Variants in FOLR3 observed in about 807,000 individuals in gnomAD.
FOLR3 encodes the protein folate receptor 3 (gamma).
A neutral mutation model predicts 20.0 loss-of-function variants in FOLR3; 9 were observed. The observed-to-expected ratio is 0.45, with a 90% CI of 0.27 to 0.79. The LOEUF is 0.79. Among genes scored for constraint, FOLR3 ranks in the 30% least tolerant of loss-of-function variants. FOLR3 has a pLI of 0.15. For missense variants in FOLR3, 309 were observed against 323.5 expected, an observed-to-expected ratio of 0.96 and a Z score of 0.34; for synonymous variants, 124 against 115.5, an observed-to-expected ratio of 1.07 and a Z score of -0.47.
Position 72,135,735 on chromosome 11 carries a change from C to A in FOLR3, c.-40C>A. ...GAGCAAGCTGGTGTCAGAGCCTGGA[C>A]CTACAGCGCTGTTGGTGGAGGTCCT... is the stretch of plus-strand genomic sequence containing the variant. On this transcript the variant is annotated 5_prime_UTR_variant, in exon 1 of 5. Transcript: ENST00000611028. The A allele has an allele frequency of 1.7e-6, 1 of 593,046 alleles. No homozygotes were observed. Among genetic ancestry groups the A allele is most frequent in the Non-Finnish European group, 3.0e-6 (1 of 332,420 alleles). 36.7% of individuals were successfully genotyped at this position (593,046 alleles called of 1,614,324 possible).
Position 72,137,804 on chromosome 11 carries a change from G to A in FOLR3, c.169-1157G>A, listed in dbSNP as rs182582593. ...TAGCTTACTTAAACTCTGTAAAAAT[G>A]GGGGTAAGGATTCGTACTGGGTTGT... On this transcript the variant is annotated intron_variant, in intron 2 of 4. Coordinates refer to ENST00000611028, the MANE Select transcript of FOLR3 (RefSeq NM_000804.4). Among the ~76,000 whole-genome samples, 1,077 of 152,166 alleles carry A rather than the reference G, an allele frequency of 7.1e-3. 8 individuals carry two copies. The highest frequency in any genetic ancestry group is 0.025 in the African/African-American group (1,037 of 41,504).
Position 72,139,647 on chromosome 11 carries a change from C to A in FOLR3, c.554C>A (p.Pro185Gln). The A allele has an allele frequency of 1.9e-6, 3 of 1,613,550 alleles. No individual in the cohort carries two copies. The highest frequency in any genetic ancestry group is 2.2e-5 in the South Asian group (2 of 91,062). The part of the protein sequence containing the change: ...CSTFESYFPT[P>Q]AALCEGLWSH... ...ACCTTTGAGTCCTACTTCCCCACTC[C>A]AGCCGCCCTTTGTGAAGGCCTCTGG... Residue 185 changes from proline (P) to glutamine (Q), a missense_variant, in exon 5 of 5, where the codon CCA (proline) becomes CAA (glutamine). Coordinates refer to ENST00000611028, the MANE Select transcript of FOLR3 (RefSeq NM_000804.4).
At chr11:72,137,870 A>G (rs1947760527) in intron 2 of FOLR3, among the ~76,000 whole-genome samples, 2 of 152,040 alleles carry the variant, frequency 1.3e-5, no homozygotes. Context: ...CTTTGCACCT[A>G]TGGTTTTCTA....
intron 2 of FOLR3, among the ~76,000 whole-genome samples, chr11:72,138,037 G>A (rs980845643): frequency 4.6e-5 from 7 of 152,024 alleles, no homozygotes; most frequent in African/African-American, 1.7e-4. Flanking sequence ...AGTTAATATT[G>A]GCTGGATGCA....
At chr11:72,139,213 G>A (rs1947784022) in intron 3 of FOLR3, 64 bp downstream of exon 3, 1 of 1,567,700 alleles carries the variant, frequency 6.4e-7, no homozygotes, top group Non-Finnish European at 8.7e-7. Flanking sequence ...GTTGCTGGCA[G>A]GGAGGGCTTG....
In FOLR3 at chr11:72,136,131, C is replaced by A. The variant is rs1947739633; in HGVS notation, c.168+11C>A. ...GAGCTGTATGGCCAGGTGAGGGCAGCCTGGTGTAGGACAGCATGCACACAG... is the reference window on the plus strand; with the variant it reads ...GAGCTGTATGGCCAGGTGAGGGCAGACTGGTGTAGGACAGCATGCACACAG... On this transcript the variant is annotated intron_variant, in intron 2 of 4. Coordinates refer to ENST00000611028, the MANE Select transcript of FOLR3 (RefSeq NM_000804.4). 1 of 1,613,840 alleles carries A rather than the reference C, an allele frequency of 6.2e-7. No homozygotes were observed. The highest frequency in any genetic ancestry group is 2.2e-5 in the East Asian group (1 of 44,876).
intron 2 of FOLR3, among the ~76,000 whole-genome samples, chr11:72,138,109 G>T (rs1947763449): frequency 6.6e-6 from 1 of 152,214 alleles, no homozygotes; most frequent in African/African-American, 2.4e-5. Flanking sequence ...ACTCACGCCT[G>T]TAATCCCAAC....
intron 2 of FOLR3, among the ~76,000 whole-genome samples, chr11:72,137,490 T>TTTA (rs1027388844): frequency 3.4e-5 from 4 of 116,956 alleles, no homozygotes; most frequent in African/African-American, 1.6e-4. Flanking sequence ...TCAGTTATAA[T>TTTA]TTTTTTTTTT....
At chr11:72,139,210 G>T (rs1459110201) in intron 3 of FOLR3, 61 bp downstream of exon 3, 1 of 1,569,700 alleles carries the variant, frequency 6.4e-7, no homozygotes, top group Non-Finnish European at 8.7e-7. Flanking sequence ...CCAGTTGCTG[G>T]CAGGGAGGGC....
chr11:72,136,132 C>T lies in FOLR3; in HGVS notation c.168+12C>T. Reference sequence around the variant, plus strand: ...AGCTGTATGGCCAGGTGAGGGCAGCCTGGTGTAGGACAGCATGCACACAGG... The same window carrying T: ...AGCTGTATGGCCAGGTGAGGGCAGCTTGGTGTAGGACAGCATGCACACAGG... On this transcript the variant is annotated intron_variant, in intron 2 of 4. Coordinates refer to ENST00000611028, the MANE Select transcript of FOLR3 (RefSeq NM_000804.4). The T allele has an allele frequency of 6.2e-7, 1 of 1,613,910 alleles. No homozygotes were observed. Among genetic ancestry groups the T allele is most frequent in the Non-Finnish European group, 8.5e-7 (1 of 1,179,822 alleles).
rs774055804 is a variant in FOLR3 at position 72,139,777 on chromosome 11, C to T, written c.684C>T (p.Phe228=). The T allele has an allele frequency of 1.7e-5, 28 of 1,613,982 alleles. No individual in the cohort carries two copies. The highest frequency in any genetic ancestry group is 2.3e-5 in the Non-Finnish European group (27 of 1,179,998). Residue 228 remains phenylalanine (F), a synonymous_variant, in exon 5 of 5, where the codon TTC becomes TTT. Transcript: ENST00000611028. ...ACCCCAATGAGGAGGTGGCCAAGTT[C>T]TATGCTGCGGCCATGAATGCTGGGG... ...QGNPNEEVAK[F]YAAAMNAGAP...
chr11:72,138,014 A>G (rs1947762279), intron 2 of FOLR3, among the ~76,000 whole-genome samples: 1 of 152,138 alleles, frequency 6.6e-6, no homozygotes, highest in Non-Finnish European at 1.5e-5. Flanking sequence ...TGCCTGATGT[A>G]TAATCAGCAC....
Position 72,139,409 on chromosome 11 carries a change from G to A in FOLR3, c.420G>A (p.Glu140=), listed in dbSNP as rs79284835. The A allele has an allele frequency of 2.5e-3, 4,079 of 1,612,020 alleles. 108 individuals carry two copies. In the East Asian group the frequency reaches 0.032, roughly 13 times the overall value. ...LNVPLCKEDC[E]RWWEDCRTSY... ...TGCCCCTGTGCAAAGAGGACTGTGA[G>A]CGCTGGTGGGAGGACTGTCGCACCT... The change falls in exon 4 of 5, where the codon GAG becomes GAA. Residue 140 remains glutamate (E), a synonymous_variant. Transcript: ENST00000611028.
At chr11:72,135,869 G>A in intron 1 of FOLR3, 78 bp from the exon 2 acceptor site, 2 of 1,445,302 alleles carry the variant, frequency 1.4e-6, no homozygotes, top group Non-Finnish European at 1.9e-6. Flanking sequence ...CTGGGCCTGG[G>A]AGGGAGAGAG....
intron 3 of FOLR3, 50 bp downstream of exon 3, chr11:72,139,199 G>T (rs1232870932): frequency 1.9e-6 from 3 of 1,576,708 alleles, no homozygotes; most frequent in African/African-American, 2.7e-5. Flanking sequence ...GGCGGAGCCT[G>T]CCAGTTGCTG....
At position 72,139,085 on chromosome 11, in the gene FOLR3, G is replaced by A. The variant is rs373128648; in HGVS notation, c.293G>A (p.Arg98His). The change falls in exon 3 of 5, where the codon CGC becomes CAC. Residue 98 changes from arginine to histidine, a missense_variant. By Grantham distance (29) the Arg-to-His change is conservative. Transcript: ENST00000611028. ...GGTAAGATGGAACCCACCTGCAAGCGCCACTTTATCCAGGACAGCTGTCTC... is the reference window on the plus strand; with the variant it reads ...GGTAAGATGGAACCCACCTGCAAGCACCACTTTATCCAGGACAGCTGTCTC... ...HCGKMEPTCK[R>H]HFIQDSCLYE... 1.7e-5 allele frequency: 27 copies of A among 1,591,112 alleles called. No individual in the cohort carries two copies. The highest frequency in any genetic ancestry group is 1.0e-4 in the African/African-American group (7 of 69,000).
Position 72,138,782 on chromosome 11 carries a change from A to G in FOLR3, c.169-179A>G, listed in dbSNP as rs886630523. 1.4e-5 allele frequency: 10 copies of G among 694,318 alleles called. No homozygotes were observed. In the African/African-American group the frequency reaches 1.6e-4, roughly 11 times the overall value. 43.0% of individuals were successfully genotyped at this position (694,318 alleles called of 1,614,324 possible). A position where few individuals can be genotyped will look rare whatever the true frequency, so the allele number is the denominator to read the frequency against. On this transcript the variant is annotated intron_variant, in intron 2 of 4. Transcript: ENST00000611028. ...GCAAGACCCTGTCTCAAATAAATAAATGAATAAATAGGGCGGAAAGCACCA... is the reference window on the plus strand; with the variant it reads ...GCAAGACCCTGTCTCAAATAAATAAGTGAATAAATAGGGCGGAAAGCACCA...
rs1410562243 is a variant in FOLR3 at position 72,138,880 on chromosome 11, C to T, written c.169-81C>T. On this transcript the variant is annotated intron_variant, in intron 2 of 4. Coordinates refer to ENST00000611028, the MANE Select transcript of FOLR3 (RefSeq NM_000804.4). ...CCCCAGGAAGTGTTCCTCTGGATGA[C>T]CTACCTGGGGCAGAGGAGCCAGAAT... 3.2e-6 allele frequency: 5 copies of T among 1,546,176 alleles called. No homozygotes were observed. The African/African-American group carries it at 6.8e-5, about 21-fold the overall frequency.
Position 72,139,125 on chromosome 11 carries a change from C to T in FOLR3, c.333C>T (p.Pro111=). 1 of 1,613,618 alleles carries T rather than the reference C, an allele frequency of 6.2e-7. No individual in the cohort carries two copies. The highest frequency in any genetic ancestry group is 1.3e-5 in the African/African-American group (1 of 75,046). Residue 111 remains proline, a synonymous_variant, in exon 3 of 5, where the codon CCC becomes CCT. Transcript: ENST00000611028. ...ACAGCTGTCTCTATGAGTGCTCACCCAACCTGGGGCCCTGGATCCGGCAGG... is the reference window on the plus strand; with the variant it reads ...ACAGCTGTCTCTATGAGTGCTCACCTAACCTGGGGCCCTGGATCCGGCAGG... ...IQDSCLYECS[P]NLGPWIRQVN...
Sources: gnomAD v4.1 joint callset for allele counts (sites outside exome capture counted in the v4.1 genomes callset) on GRCh38, gnomAD v4.1.1 for gene constraint, MANE v1.5 for transcripts, NCBI Gene and HGNC (gene_info 2026-07-23, HGNC 2026-07-21) for gene names.